The following IL1RAPL1 variants were observed in gnomAD, a reference collection of about 807,000 sequenced individuals.
IL1RAPL1 encodes the protein interleukin-1 receptor accessory protein-like 1.
A neutral mutation model predicts 48.4 loss-of-function variants in IL1RAPL1; 3 were observed. The ratio of observed to expected loss-of-function variants is 0.06; its 90% confidence interval spans 0.03 to 0.16. The LOEUF is 0.16. Ranked by LOEUF, IL1RAPL1 falls within the 10% of genes least tolerant of loss-of-function variation. The pLI is 1.00. For synonymous variants in IL1RAPL1, 185 were observed against 187.7 expected (o/e 0.99, Z 0.12); for missense variants, 349 against 530.6 (o/e 0.66, Z 3.36).
chrX:29,902,899 C>T (rs1413176255), intron 6 of IL1RAPL1, among the ~76,000 whole-genome samples: 8 of 111,240 alleles, frequency 7.2e-5, no homozygotes, highest in Non-Finnish European at 1.5e-4. Context: ...AAAATTCATA[C>T]CTTGTTTTCC....
intron 5 of IL1RAPL1, among the ~76,000 whole-genome samples, chrX:29,516,396 T>C (rs1237324631): frequency 9.0e-6 from 1 of 111,655 alleles, no homozygotes; most frequent in Non-Finnish European, 1.9e-5. Flanking sequence ...AATAGAGTAG[T>C]ACATCACCAT....
chrX:28,667,572 C>T (rs1934895936), intron 1 of IL1RAPL1, among the ~76,000 whole-genome samples: 1 of 112,058 alleles, frequency 8.9e-6, no homozygotes, highest in African/African-American at 3.2e-5. Context: ...TTCCACATGT[C>T]TGGTTCTGAA....
At chrX:29,860,292 T>G (rs969934995) in intron 6 of IL1RAPL1, among the ~76,000 whole-genome samples, 1 of 112,175 alleles carries the variant, frequency 8.9e-6, no homozygotes, top group Non-Finnish European at 1.9e-5. Context: ...TATAATACTC[T>G]AGTAGCATAT....
chrX:28,727,875 T>A (rs1403713501), intron 1 of IL1RAPL1, among the ~76,000 whole-genome samples: 6 of 105,639 alleles, frequency 5.7e-5, no homozygotes, highest in South Asian at 4.2e-4. Flanking sequence ...AACAATGAGA[T>A]CACATGGACA....
intron 5 of IL1RAPL1, among the ~76,000 whole-genome samples, chrX:29,554,836 G>A (rs1390987055): frequency 1.8e-5 from 2 of 111,700 alleles, no homozygotes; most frequent in Admixed American, 1.9e-4. Context: ...ACTGGGAGTG[G>A]GCCATGTGTA....
At chrX:29,729,495 C>G (rs1388432589) in intron 6 of IL1RAPL1, among the ~76,000 whole-genome samples, 4 of 111,027 alleles carry the variant, frequency 3.6e-5, no homozygotes, top group African/African-American at 6.6e-5. Flanking sequence ...ATTTCACCCT[C>G]ATTTTTAAAA....
intron 2 of IL1RAPL1, among the ~76,000 whole-genome samples, chrX:29,193,599 G>A (rs1471060584): frequency 9.0e-6 from 1 of 110,629 alleles, no homozygotes; most frequent in African/African-American, 3.3e-5. Context: ...TATAGATATA[G>A]TGTAGTAAAA....
chrX:29,027,167 C>G (rs917921050), intron 2 of IL1RAPL1, among the ~76,000 whole-genome samples: 4 of 111,930 alleles, frequency 3.6e-5, no homozygotes, highest in Non-Finnish European at 5.6e-5. Flanking sequence ...TTCACTCTCC[C>G]AAAAATCCTC....
rs1426062804 is a variant in IL1RAPL1 at position 29,761,228 on chromosome X, A to G, written c.778+92724A>G. Among the ~76,000 whole-genome samples the G allele has an allele frequency of 2.7e-5, 3 of 111,816 alleles. No individual in the cohort carries two copies. The East Asian group carries it at 8.4e-4, about 31-fold the overall frequency. ...TCAGTGACATTAAATACCTTCACACACTGTGCAACCATCACCACCATCAAT... is the reference window on the plus strand; with the variant it reads ...TCAGTGACATTAAATACCTTCACACGCTGTGCAACCATCACCACCATCAAT... On this transcript the variant is annotated intron_variant, in intron 6 of 10. Transcript: ENST00000378993.
chrX:29,308,194 T>C lies in IL1RAPL1; in HGVS notation c.362+24977T>C, dbSNP rs138866355. Reference sequence around the variant, plus strand: ...GGCTCACATGATAACAGCTGAAACATTCTCTCTTTTTCCCACTTCTTTCCT... The same window carrying C: ...GGCTCACATGATAACAGCTGAAACACTCTCTCTTTTTCCCACTTCTTTCCT... On this transcript the variant is annotated intron_variant, in intron 3 of 10. Transcript: ENST00000378993. Among the ~76,000 whole-genome samples, 531 of 111,955 alleles carry C rather than the reference T, an allele frequency of 4.7e-3. 2 individuals are homozygous for C. Among genetic ancestry groups the C allele is most frequent in the African/African-American group, 0.017 (510 of 30,793 alleles).
At chrX:29,810,966 C>T (rs1033729135) in intron 6 of IL1RAPL1, among the ~76,000 whole-genome samples, 3 of 111,630 alleles carry the variant, frequency 2.7e-5, no homozygotes, top group South Asian at 3.7e-4. Context: ...TAATTAATTT[C>T]GAATGATTTA....
chrX:29,294,983 A>T (rs913194162), intron 3 of IL1RAPL1, among the ~76,000 whole-genome samples: 2 of 111,631 alleles, frequency 1.8e-5, no homozygotes, highest in African/African-American at 6.5e-5. Flanking sequence ...CCTTACAGGA[A>T]TTCTATGAAA....
chrX:29,501,693 C>T (rs931499151), intron 5 of IL1RAPL1, among the ~76,000 whole-genome samples: 4 of 110,632 alleles, frequency 3.6e-5, no homozygotes, highest in Non-Finnish European at 7.6e-5. Flanking sequence ...ATGTCAGCAC[C>T]ATGCTGATTT....
chrX:28,919,272 T>C (rs1486271166), intron 2 of IL1RAPL1, among the ~76,000 whole-genome samples: 4 of 112,013 alleles, frequency 3.6e-5, no homozygotes, highest in Non-Finnish European at 7.5e-5. Context: ...CTGTGATCTG[T>C]TCACTTAATG....
At chrX:29,316,079 C>T (rs938900773) in intron 3 of IL1RAPL1, among the ~76,000 whole-genome samples, 1 of 112,062 alleles carries the variant, frequency 8.9e-6, no homozygotes, top group Non-Finnish European at 1.9e-5. Context: ...CTTTCACAGC[C>T]CCAGGCACAA....
intron 1 of IL1RAPL1, among the ~76,000 whole-genome samples, chrX:28,653,520 C>A (rs1934712044): frequency 9.0e-6 from 1 of 110,566 alleles, no homozygotes; most frequent in Admixed American, 9.6e-5. Context: ...TTTGCAAACA[C>A]CATTTTTACC....
At chrX:28,643,838 C>G (rs1254141636) in intron 1 of IL1RAPL1, among the ~76,000 whole-genome samples, 7 of 111,928 alleles carry the variant, frequency 6.3e-5, no homozygotes, top group Non-Finnish European at 1.3e-4. Flanking sequence ...CCAGCTGTCT[C>G]ATTCCTCTTT....
chrX:29,807,207 C>T (rs1930275000), intron 6 of IL1RAPL1, among the ~76,000 whole-genome samples: 1 of 109,484 alleles, frequency 9.1e-6, no homozygotes, highest in Admixed American at 9.8e-5. Flanking sequence ...TATAATTTTT[C>T]AATTTCACGT....
chrX:29,578,266 A>G (rs1199547060), intron 5 of IL1RAPL1, among the ~76,000 whole-genome samples: 5 of 111,858 alleles, frequency 4.5e-5, no homozygotes, highest in Admixed American at 1.9e-4. Flanking sequence ...CTAGTGGCAG[A>G]TCCCCTGAGG....
Sources: allele counts gnomAD v4.1 joint callset (sites outside exome capture counted in the v4.1 genomes callset), GRCh38; gene constraint gnomAD v4.1.1; transcripts MANE v1.5; gene names NCBI Gene and HGNC (gene_info 2026-07-23, HGNC 2026-07-21).